TTC7B: variants seen among roughly 807,000 people sequenced by gnomAD.
The protein encoded by TTC7B is tetratricopeptide repeat domain 7B.
In TTC7B, 28 loss-of-function variants were observed where a neutral mutation model predicts 106.8. That is an observed-to-expected ratio of 0.26 (90% confidence interval 0.19 to 0.36). TTC7B has a LOEUF of 0.36. Ranked by LOEUF, TTC7B falls within the 10% of genes least tolerant of loss-of-function variation. The pLI, the probability that TTC7B is intolerant of heterozygous loss-of-function variation, is 1.00. For synonymous variants in TTC7B, 405 were observed against 430.6 expected, an observed-to-expected ratio of 0.94 and a Z score of 0.74; for missense variants, 862 against 1,076.4, an observed-to-expected ratio of 0.80 and a Z score of 2.79.
At chr14:90,612,916 C>T (rs2139843611) in intron 16 of TTC7B, among the ~76,000 whole-genome samples, 1 of 152,322 alleles carries the variant, frequency 6.6e-6, no homozygotes, top group Non-Finnish European at 1.5e-5. Context: ...AACAAACCAT[C>T]ATCTGAATTT....
At chr14:90,704,905 C>T (rs565354453) in intron 5 of TTC7B, among the ~76,000 whole-genome samples, 2 of 152,314 alleles carry the variant, frequency 1.3e-5, no homozygotes, top group South Asian at 2.1e-4. Context: ...CTCACTCCGA[C>T]GCGAAGCTCA....
At chr14:90,728,889 A>G (rs1889216269) in intron 5 of TTC7B, among the ~76,000 whole-genome samples, 1 of 152,382 alleles carries the variant, frequency 6.6e-6, no homozygotes, top group East Asian at 1.9e-4. Context: ...ACATCACTAG[A>G]AAAATATTCC....
At chr14:90,771,741 A>G (rs1314207489) in intron 3 of TTC7B, among the ~76,000 whole-genome samples, 1 of 151,924 alleles carries the variant, frequency 6.6e-6, no homozygotes, top group African/African-American at 2.4e-5. Flanking sequence ...TAGTATATAA[A>G]GCATAATCTC....
At chr14:90,673,436 A>T (rs753692932) in intron 9 of TTC7B, among the ~76,000 whole-genome samples, 23 of 152,214 alleles carry the variant, frequency 1.5e-4, no homozygotes, top group Non-Finnish European at 2.6e-4. Context: ...CAAAAAGAGA[A>T]AAAAGAAGGA....
chr14:90,551,319 C>T (rs1890071605), intron 19 of TTC7B, among the ~76,000 whole-genome samples: 2 of 152,120 alleles, frequency 1.3e-5, no homozygotes, highest in African/African-American at 4.8e-5. Flanking sequence ...TGCCCTTGAC[C>T]CTAGCTGCTT....
chr14:90,792,029 A>G (rs1340001399), intron 1 of TTC7B, among the ~76,000 whole-genome samples: 1 of 152,120 alleles, frequency 6.6e-6, no homozygotes, highest in East Asian at 1.9e-4. Flanking sequence ...CGGTCTCCAA[A>G]CAGAATTCCC....
At chr14:90,627,154 A>G (rs1282951389) in intron 15 of TTC7B, among the ~76,000 whole-genome samples, 3 of 152,000 alleles carry the variant, frequency 2.0e-5, no homozygotes, top group Non-Finnish European at 4.4e-5. Context: ...GCTAATTAAA[A>G]AAAATTTTTT....
In TTC7B at chr14:90,816,173, A is replaced by G; in HGVS notation, c.121+2T>C. The G allele has an allele frequency of 8.0e-7, 1 of 1,242,428 alleles. No individual in the cohort carries two copies. The highest frequency in any genetic ancestry group is 1.0e-6 in the Non-Finnish European group (1 of 961,064). 77.0% of individuals were successfully genotyped at this position (1,242,428 alleles called of 1,614,324 possible). A position where few individuals can be genotyped will look rare whatever the true frequency, so the allele number is the denominator to read the frequency against. Reference sequence around the variant, plus strand: ...GCCCAGGCCGGCGCGCCCGGAGCGTACCGTTGGCGATGAGCTTGGCCGACA... The same window carrying G: ...GCCCAGGCCGGCGCGCCCGGAGCGTGCCGTTGGCGATGAGCTTGGCCGACA... On this transcript the variant is annotated splice_donor_variant, in intron 1 of 19. Transcript: ENST00000328459. LOFTEE classifies it high-confidence loss of function.
intron 3 of TTC7B, chr14:90,766,789 C>G: frequency 6.3e-7 from 1 of 1,577,814 alleles, no homozygotes; most frequent in South Asian, 1.1e-5. Context: ...CTTGAACACA[C>G]AGAAGGATGT....
chr14:90,627,563 G>A (rs1884500781), intron 15 of TTC7B, among the ~76,000 whole-genome samples: 1 of 152,214 alleles, frequency 6.6e-6, no homozygotes, highest in African/African-American at 2.4e-5. Flanking sequence ...CTGGGAGGCT[G>A]TGGTGAGTGG....
At chr14:90,703,704 A>G (rs1051988504) in intron 5 of TTC7B, among the ~76,000 whole-genome samples, 3 of 152,252 alleles carry the variant, frequency 2.0e-5, no homozygotes, top group African/African-American at 7.2e-5. Flanking sequence ...GCAAGCCTAC[A>G]GGCCTCCAGT....
Position 90,786,169 on chromosome 14 carries a change from G to A in TTC7B, c.276+5C>T, listed in dbSNP as rs74085560. The A allele has an allele frequency of 1.9e-3, 2,969 of 1,532,402 alleles. 58 individuals are homozygous for A. In the African/African-American group the frequency reaches 0.037, roughly 19 times the overall value. 94.9% of individuals were successfully genotyped at this position (1,532,402 alleles called of 1,614,324 possible). On this transcript the variant is annotated splice_donor_5th_base_variant and intron_variant, in intron 2 of 19. Coordinates refer to ENST00000328459, the MANE Select transcript of TTC7B (RefSeq NM_001010854.2). ...GTGTCGCCTCAGCCCAGAGGCCCAT[G>A]GTACCTTAAGGTTCCCTCGGTCCAG...
intron 5 of TTC7B, among the ~76,000 whole-genome samples, chr14:90,714,518 G>A (rs1306050343): frequency 6.6e-6 from 1 of 150,808 alleles, no homozygotes; most frequent in Non-Finnish European, 1.5e-5. Context: ...GTGCAATGGC[G>A]CAATCTTGGC....
At chr14:90,780,985 T>C (rs910493108) in intron 2 of TTC7B, 79 bp from the exon 3 acceptor site, 9 of 1,365,930 alleles carry the variant, frequency 6.6e-6, no homozygotes, top group Admixed American at 1.7e-5. Flanking sequence ...GGCCAGCTGC[T>C]GCCGTAAAAC....
In TTC7B at chr14:90,780,781, C is replaced by T. The variant is rs148926094; in HGVS notation, c.402G>A (p.Pro134=). The change falls in exon 3 of 20, where the codon CCG becomes CCA. Residue 134 remains proline (P), a synonymous_variant. Transcript: ENST00000328459. ...GLDDLPLTAV[P]PYRLRVIAEA... ...CTGCGATCACCCGCAGCCTGTAGGGCGGGACAGCTGTCAGTGGCAGATCGT... is the reference window on the plus strand; with the variant it reads ...CTGCGATCACCCGCAGCCTGTAGGGTGGGACAGCTGTCAGTGGCAGATCGT... The T allele has an allele frequency of 2.8e-5, 45 of 1,614,266 alleles. No homozygotes were observed. Among genetic ancestry groups the T allele is most frequent in the Admixed American group, 8.3e-5 (5 of 60,036 alleles).
chr14:90,675,820 A>C (rs1352438939), intron 9 of TTC7B: 1 of 151,232 alleles, frequency 6.6e-6, no homozygotes, highest in African/African-American at 2.4e-5. Flanking sequence ...TTTTTTCTCT[A>C]TTTTGCTAAA....
At chr14:90,669,653 A>G (rs1785365307) in intron 9 of TTC7B, among the ~76,000 whole-genome samples, 1 of 152,234 alleles carries the variant, frequency 6.6e-6, no homozygotes, top group Non-Finnish European at 1.5e-5. Flanking sequence ...AGATATACAA[A>G]TGGCCAATAA....
rs906485207 is a variant in TTC7B at position 90,525,326 on chromosome 14, T to C, written c.*16042A>G. The C allele has an allele frequency of 1.3e-5, 2 of 152,384 alleles. No homozygotes were observed. Among genetic ancestry groups the C allele is most frequent in the African/African-American group, 4.8e-5 (2 of 41,590 alleles). 9.4% of individuals were successfully genotyped at this position (152,384 alleles called of 1,614,324 possible). A position where few individuals can be genotyped will look rare whatever the true frequency, so the allele number is the denominator to read the frequency against. ...ATTCGCTTCTCCTTTGATCTGTTGG[T>C]GGACATTTGGATTGTGATCAGTTTT... On this transcript the variant is annotated 3_prime_UTR_variant, in exon 20 of 20. Transcript: ENST00000328459.
intron 13 of TTC7B, among the ~76,000 whole-genome samples, chr14:90,647,809 G>T (rs1595243230): frequency 6.6e-6 from 1 of 152,128 alleles, no homozygotes; most frequent in East Asian, 1.9e-4. Flanking sequence ...GTGTTTAACT[G>T]CTGGGAAGAG....
Sources: allele counts gnomAD v4.1 joint callset (sites outside exome capture counted in the v4.1 genomes callset), GRCh38; gene constraint gnomAD v4.1.1; transcripts MANE v1.5; gene names NCBI Gene and HGNC (gene_info 2026-07-23, HGNC 2026-07-21).